SLC16A10: variants seen among roughly 807,000 people sequenced by gnomAD.
SLC16A10 encodes solute carrier family 16 member 10, also known as monocarboxylate transporter 10.
In SLC16A10, 27 loss-of-function variants were observed where a neutral mutation model predicts 40.0. The ratio of observed to expected loss-of-function variants is 0.67; its 90% CI spans 0.50 to 0.93. The LOEUF is 0.93. SLC16A10 is among the 40% of genes least tolerant of loss of function. The pLI is 0.00. For synonymous variants in SLC16A10, 213 were observed against 249.8 expected, an observed-to-expected ratio of 0.85 and a Z score of 1.39; for missense variants, 529 against 658.2, an observed-to-expected ratio of 0.80 and a Z score of 2.15.
At chr6:111,195,372 G>T (rs1773062888) in intron 3 of SLC16A10, among the ~76,000 whole-genome samples, 1 of 152,150 alleles carries the variant, frequency 6.6e-6, no homozygotes, top group Non-Finnish European at 1.5e-5. Flanking sequence ...TTTCCAAGGG[G>T]AGGGGGAAAT....
chr6:111,101,118 C>T (rs1771180622), intron 1 of SLC16A10, among the ~76,000 whole-genome samples: 1 of 151,040 alleles, frequency 6.6e-6, no homozygotes, highest in Non-Finnish European at 1.5e-5. Flanking sequence ...GCAGCCTCGA[C>T]CTCCTGGGCT....
chr6:111,159,924 A>T (rs937769176), intron 1 of SLC16A10, among the ~76,000 whole-genome samples: 2 of 152,122 alleles, frequency 1.3e-5, no homozygotes, highest in African/African-American at 4.8e-5. Flanking sequence ...TTCCATTTAT[A>T]TATCTTTTTT....
intron 3 of SLC16A10, among the ~76,000 whole-genome samples, chr6:111,199,856 C>G (rs1159847538): frequency 1.3e-5 from 2 of 151,136 alleles, no homozygotes; most frequent in Non-Finnish European, 2.9e-5. Context: ...GAAATAAAGG[C>G]TTTTAAAGAA....
intron 1 of SLC16A10, among the ~76,000 whole-genome samples, chr6:111,093,218 A>C (rs1449270456): frequency 6.6e-6 from 1 of 152,152 alleles, no homozygotes; most frequent in Non-Finnish European, 1.5e-5. Flanking sequence ...CTCACACACA[A>C]AAAAAGTGTA....
At chr6:111,137,934 C>CT in intron 1 of SLC16A10, among the ~76,000 whole-genome samples, 1 of 152,232 alleles carries the variant, frequency 6.6e-6, no homozygotes. Flanking sequence ...AGCCAATCAT[C>CT]TATCACCTGA....
chr6:111,161,222 CAAAAAAA>C (rs57463212), intron 1 of SLC16A10, among the ~76,000 whole-genome samples: 8 of 42,424 alleles, frequency 1.9e-4, no homozygotes, highest in African/African-American at 6.0e-4. Context: ...GACAGTGTCT[CAAAAAAA>C]AAAAAAAAAA....
chr6:111,179,674 C>CA (rs1185915483), intron 3 of SLC16A10, among the ~76,000 whole-genome samples: 12 of 152,194 alleles, frequency 7.9e-5, no homozygotes, highest in Non-Finnish European at 4.4e-5. Flanking sequence ...TCAGATGGTG[C>CA]ACAGAACAAT....
At chr6:111,137,691 C>T (rs10457233) in intron 1 of SLC16A10, among the ~76,000 whole-genome samples, 90,904 of 152,104 alleles carry the variant, frequency 0.6, 29,042 homozygotes, top group Middle Eastern at 0.74. Context: ...GCAGTTAGAG[C>T]GGCCGTTGGC....
chr6:111,209,966 G>A (rs1034501798), intron 4 of SLC16A10, among the ~76,000 whole-genome samples: 4 of 152,104 alleles, frequency 2.6e-5, no homozygotes, highest in African/African-American at 9.7e-5. Flanking sequence ...TAGGTTTTGA[G>A]GATTAAGCCT....
intron 1 of SLC16A10, among the ~76,000 whole-genome samples, chr6:111,089,369 A>G (rs1770931912): frequency 1.3e-5 from 2 of 152,192 alleles, no homozygotes; most frequent in South Asian, 4.1e-4. Context: ...TTTCCATTTT[A>G]ACTTAGGTGG....
Position 111,087,928 on chromosome 6 carries a change from A to G in SLC16A10, c.176A>G (p.His59Arg), listed in dbSNP as rs988516776. 1.2e-6 allele frequency: 2 copies of G among 1,602,626 alleles called. No homozygotes were observed. The highest frequency in any genetic ancestry group is 1.7e-6 in the Non-Finnish European group (2 of 1,175,808). The change falls in exon 1 of 6, where the codon CAT becomes CGT. Residue 59 changes from histidine to arginine, a missense_variant. His to Arg is a conservative substitution (Grantham distance 29, BLOSUM62 0). Transcript: ENST00000368851. ...GCGGGGCCGGCGACCGCGGAGCCCC[A>G]TGAGCCCCCCGAACCCCCCGAGGGC... ...ELAGPATAEP[H>R]EPPEPPEGGW... is the part of the protein sequence containing the mutation.
intron 1 of SLC16A10, among the ~76,000 whole-genome samples, chr6:111,160,178 GT>G (rs1457661904): frequency 6.6e-6 from 1 of 152,094 alleles, no homozygotes; most frequent in Non-Finnish European, 1.5e-5. Context: ...GGGCATTTAG[GT>G]TTTTCATGTT....
intron 1 of SLC16A10, among the ~76,000 whole-genome samples, chr6:111,167,662 T>TGA (rs142460950): frequency 6.6e-6 from 1 of 150,516 alleles, no homozygotes; most frequent in African/African-American, 2.4e-5. Flanking sequence ...TGTGTGTATG[T>TGA]GAGAGAGAGA....
At chr6:111,118,412 T>C (rs1351773408) in intron 1 of SLC16A10, among the ~76,000 whole-genome samples, 2 of 152,212 alleles carry the variant, frequency 1.3e-5, no homozygotes, top group Non-Finnish European at 2.9e-5. Context: ...CTGGGTGTGG[T>C]GGCTCACGCC....
At chr6:111,163,511 T>G (rs1246393678) in intron 1 of SLC16A10, among the ~76,000 whole-genome samples, 2 of 152,180 alleles carry the variant, frequency 1.3e-5, no homozygotes, top group African/African-American at 4.8e-5. Flanking sequence ...TTTAGAAACC[T>G]CATAGAATTT....
intron 1 of SLC16A10, among the ~76,000 whole-genome samples, chr6:111,160,513 G>A (rs1772350699): frequency 6.6e-6 from 1 of 152,180 alleles, no homozygotes; most frequent in Admixed American, 6.5e-5. Context: ...AAGTGCTGGT[G>A]ACACAGGATT....
At chr6:111,093,318 C>T (rs1365386247) in intron 1 of SLC16A10, among the ~76,000 whole-genome samples, 8 of 152,186 alleles carry the variant, frequency 5.3e-5, no homozygotes, top group Admixed American at 2.0e-4. Context: ...TTTAACGCAA[C>T]TCTACACTCC....
intron 3 of SLC16A10, among the ~76,000 whole-genome samples, chr6:111,194,593 C>T (rs1221294766): frequency 6.6e-6 from 1 of 152,166 alleles, no homozygotes; most frequent in Non-Finnish European, 1.5e-5. Context: ...GACCCACATA[C>T]ATATCAGTGG....
intron 3 of SLC16A10, among the ~76,000 whole-genome samples, chr6:111,197,507 T>C (rs1441252553): frequency 6.6e-6 from 1 of 152,236 alleles, no homozygotes; most frequent in African/African-American, 2.4e-5. Flanking sequence ...AAATAAGTTA[T>C]CAAGTTACCT....
Sources: allele counts gnomAD v4.1 joint callset (sites outside exome capture counted in the v4.1 genomes callset), GRCh38; gene constraint gnomAD v4.1.1; transcripts MANE v1.5; gene names NCBI Gene and HGNC (gene_info 2026-07-23, HGNC 2026-07-21).